Variants in CDC16 observed in about 807,000 individuals in gnomAD.
CDC16 encodes the protein cell division cycle protein 16 homolog.
Under a neutral mutation model 87.0 loss-of-function variants are expected in CDC16, and 34 were observed. The ratio of observed to expected loss-of-function variants is 0.39; its 90% CI spans 0.30 to 0.52. The LOEUF is 0.52. CDC16 is among the 20% of genes least tolerant of loss of function. The pLI is 0.74. For synonymous variants in CDC16, 263 were observed against 260.6 expected (o/e 1.01, Z -0.09); for missense variants, 653 against 751.9 (o/e 0.87, Z 1.54).
At chr13:114,252,404 G>A (rs1017250672) in intron 12 of CDC16, among the ~76,000 whole-genome samples, 1 of 152,212 alleles carries the variant, frequency 6.6e-6, no homozygotes, top group South Asian at 2.1e-4. Flanking sequence ...GGGATTTAAT[G>A]TATGAATTTG....
At chr13:114,258,027 C>T (rs1426538014) in intron 13 of CDC16, among the ~76,000 whole-genome samples, 2 of 152,028 alleles carry the variant, frequency 1.3e-5, no homozygotes, top group Admixed American at 6.6e-5. Flanking sequence ...CCTGGTGATC[C>T]GCCTGCCTCA....
rs200827906 is a variant in CDC16, at chr13:114,257,159, A to G, written c.1179A>G (p.Gln393=). ...NSKLAERFFS[Q]ALSIAPEDPF... ...AACTAGCTGAAAGGTTCTTCAGCCA[A>G]GCTCTGAGCATTGCACCGGAAGACC... The change falls in exon 13 of 18, where the codon CAA becomes CAG. Residue 393 remains glutamine, a synonymous_variant. Coordinates refer to ENST00000356221, the MANE Select transcript of CDC16 (RefSeq NM_001078645.3). 5.6e-6 allele frequency: 9 copies of G among 1,613,248 alleles called. No individual in the cohort carries two copies. The highest frequency in any genetic ancestry group is 5.9e-6 in the Non-Finnish European group (7 of 1,179,382).
chr13:114,264,440 C>A (rs1347509315), intron 16 of CDC16, among the ~76,000 whole-genome samples: 1 of 151,976 alleles, frequency 6.6e-6, no homozygotes, highest in Non-Finnish European at 1.5e-5. Flanking sequence ...CAGCTACTAG[C>A]CCTGCGCCCG....
intron 10 of CDC16, among the ~76,000 whole-genome samples, chr13:114,246,722 C>T (rs1052663107): frequency 9.2e-5 from 14 of 152,192 alleles, no homozygotes; most frequent in Non-Finnish European, 1.9e-4. Context: ...GGGGCCTTGT[C>T]TTGTGTAGAC....
chr13:114,269,003 T>C (rs2083428075), intron 17 of CDC16, among the ~76,000 whole-genome samples: 1 of 152,166 alleles, frequency 6.6e-6, no homozygotes, highest in Non-Finnish European at 1.5e-5. Context: ...AAGTTAAGCC[T>C]ATTATATCAG....
chr13:114,261,809 G>A (rs1368895647), intron 14 of CDC16, 78 bp from the exon 15 acceptor site: 24 of 986,482 alleles, frequency 2.4e-5, no homozygotes, highest in Non-Finnish European at 3.1e-5. Context: ...CTTGCAAGGC[G>A]TGAAATAATT....
At position 114,234,971 on chromosome 13, in the gene CDC16, C is replaced by G; in HGVS notation, c.-114C>G. On this transcript the variant is annotated 5_prime_UTR_variant, in exon 1 of 18. Coordinates refer to ENST00000356221, the MANE Select transcript of CDC16 (RefSeq NM_001078645.3). ...CCTTCGAGTCCGCGGCCTTCGAGTC[C>G]TGGGGCGGCGGCGGCGGCTGCAGGC... 2.5e-6 allele frequency: 2 copies of G among 807,176 alleles called. No individual in the cohort carries two copies. Among genetic ancestry groups the G allele is most frequent in the Non-Finnish European group, 3.3e-6 (2 of 605,558 alleles). The allele number at this position is 807,176 out of a possible 1,614,324, so 50.0% of individuals were successfully genotyped here.
At chr13:114,239,075 T>G (rs757791625) in intron 4 of CDC16, 47 bp downstream of exon 4, 22 of 1,591,884 alleles carry the variant, frequency 1.4e-5, no homozygotes, top group South Asian at 5.7e-5. Context: ...ATAAAATGAG[T>G]GTTATGCATC....
intron 4 of CDC16, 157 bp downstream of exon 4, chr13:114,239,185 A>G: frequency 1.4e-6 from 2 of 1,406,862 alleles, no homozygotes; most frequent in Non-Finnish European, 1.9e-6. Context: ...GCTATAAAAT[A>G]CTGATTCTTC....
At chr13:114,242,419 A>G in intron 6 of CDC16, 139 bp downstream of exon 6, 3 of 743,532 alleles carry the variant, frequency 4.0e-6, no homozygotes, top group Admixed American at 5.5e-5. Context: ...ATGTCTTCAA[A>G]TGTAAAGCAC....
intron 17 of CDC16, among the ~76,000 whole-genome samples, chr13:114,265,517 A>G (rs987010386): frequency 1.3e-5 from 2 of 152,244 alleles, no homozygotes; most frequent in African/African-American, 4.8e-5. Flanking sequence ...AGAAGGACTC[A>G]TCTGTTTCTA....
At chr13:114,271,208 A>G (rs929513747) in intron 17 of CDC16, among the ~76,000 whole-genome samples, 1 of 152,130 alleles carries the variant, frequency 6.6e-6, no homozygotes, top group Non-Finnish European at 1.5e-5. Context: ...GGCGTGAGCC[A>G]TCGCGCCCGG....
At chr13:114,262,013 C>A (rs141888276) in intron 15 of CDC16, 65 bp downstream of exon 15, 2 of 979,384 alleles carry the variant, frequency 2.0e-6, no homozygotes, top group Non-Finnish European at 1.6e-6. Flanking sequence ...ATTTTGAATA[C>A]TTTGTCATAT....
chr13:114,271,942 C>A (rs1337123497), intron 17 of CDC16, among the ~76,000 whole-genome samples: 1 of 152,172 alleles, frequency 6.6e-6, no homozygotes, highest in Non-Finnish European at 1.5e-5. Context: ...TGGTGGAAAA[C>A]AAATGAAAAA....
chr13:114,251,913 TTACACTAGCCCTGTTGGATAAGAGCCC>T (rs1180672795), intron 12 of CDC16, among the ~76,000 whole-genome samples: 98 of 151,418 alleles, frequency 6.5e-4, no homozygotes, highest in African/African-American at 1.2e-3. Context: ...GATAAAAGCC[TTACACTAGCCCTGTTGGATAAGAGCCC>T]TACACTAGCC....
At chr13:114,245,750 G>A (rs2081831418) in intron 9 of CDC16, 3 of 382,016 alleles carry the variant, frequency 7.9e-6, no homozygotes, top group Admixed American at 9.8e-5. Context: ...GAGAGGTGAG[G>A]TGCTTTGCTG....
At chr13:114,236,480 C>T (rs76756545) in intron 1 of CDC16, among the ~76,000 whole-genome samples, 165 bp from the exon 2 acceptor site, 6 of 152,054 alleles carry the variant, frequency 3.9e-5, no homozygotes, top group South Asian at 4.1e-4. Flanking sequence ...ATTTACCCTA[C>T]GTGAGATGTA....
intron 16 of CDC16, among the ~76,000 whole-genome samples, chr13:114,263,534 G>A (rs1356018523): frequency 1.3e-5 from 2 of 152,260 alleles, no homozygotes; most frequent in African/African-American, 4.8e-5. Context: ...TTTGTACTTA[G>A]AGAAAATATT....
intron 15 of CDC16, 94 bp from the exon 16 acceptor site, chr13:114,262,785 A>G (rs1253623402): frequency 2.4e-6 from 3 of 1,231,512 alleles, no homozygotes; most frequent in South Asian, 1.3e-5. Flanking sequence ...TCATTGAGAC[A>G]GCGTTTCTTG....
Sources: gnomAD v4.1 joint callset for allele counts (sites outside exome capture counted in the v4.1 genomes callset) on GRCh38, gnomAD v4.1.1 for gene constraint, MANE v1.5 for transcripts, NCBI Gene and HGNC (gene_info 2026-07-23, HGNC 2026-07-21) for gene names.